Variants in NCALD observed in about 807,000 individuals in gnomAD.
NCALD encodes neurocalcin delta, also known as neurocalcin-delta.
In NCALD, 10 loss-of-function variants were observed where a neutral mutation model predicts 18.6. The observed-to-expected ratio is 0.54, with a 90% CI of 0.33 to 0.91. The LOEUF is 0.91. Among genes scored for constraint, NCALD ranks in the 40% least tolerant of loss-of-function variants. NCALD has a pLI of 0.03. For synonymous variants in NCALD, 88 were observed against 87.4 expected, an observed-to-expected ratio of 1.01 and a Z score of -0.04; for missense variants, 184 against 247.6, an observed-to-expected ratio of 0.74 and a Z score of 1.72.
intron 2 of NCALD, among the ~76,000 whole-genome samples, chr8:101,712,704 G>C (rs2130345197): frequency 6.6e-6 from 1 of 151,996 alleles, no homozygotes; most frequent in African/African-American, 2.4e-5. Context: ...AATGGTAAAG[G>C]GATCAATGCA....
intron 2 of NCALD, among the ~76,000 whole-genome samples, chr8:101,972,185 G>GA (rs1228273196): frequency 6.6e-6 from 1 of 152,054 alleles, no homozygotes; most frequent in Non-Finnish European, 1.5e-5. Flanking sequence ...CAAGAACACG[G>GA]AAAAAAATCA....
At chr8:101,886,004 T>C (rs1377506369) in intron 4 of NCALD, among the ~76,000 whole-genome samples, 1 of 152,204 alleles carries the variant, frequency 6.6e-6, no homozygotes, top group Non-Finnish European at 1.5e-5. Context: ...TGATCATTAC[T>C]AGTTACAATG....
intron 1 of NCALD, among the ~76,000 whole-genome samples, chr8:101,786,718 T>G (rs916953013): frequency 1.3e-5 from 2 of 152,224 alleles, no homozygotes; most frequent in African/African-American, 2.4e-5. Flanking sequence ...TTGGTCTTCC[T>G]GCAGTCACTG....
At chr8:102,085,309 C>A (rs77254218) in intron 1 of NCALD, among the ~76,000 whole-genome samples, 2 of 152,206 alleles carry the variant, frequency 1.3e-5, no homozygotes, top group Non-Finnish European at 1.5e-5. Context: ...CATTGCCAAA[C>A]GTCTTATTTG....
intron 2 of NCALD, among the ~76,000 whole-genome samples, chr8:101,970,108 C>T (rs1820184120): frequency 6.6e-6 from 1 of 152,148 alleles, no homozygotes; most frequent in African/African-American, 2.4e-5. Context: ...CTGTAACTTT[C>T]CAATCACTGA....
At chr8:101,778,408 A>C (rs1407470437) in intron 1 of NCALD, among the ~76,000 whole-genome samples, 1 of 152,174 alleles carries the variant, frequency 6.6e-6, no homozygotes, top group African/African-American at 2.4e-5. Context: ...CATATGAAAG[A>C]AGGATCCAGA....
intron 4 of NCALD, chr8:101,872,177 G>C: frequency 6.2e-7 from 1 of 1,603,450 alleles, no homozygotes; most frequent in Admixed American, 1.7e-5. Flanking sequence ...GCACAGAGGG[G>C]AATTCCTCGT....
At chr8:101,735,676 ACT>A (rs1352840770) in intron 1 of NCALD, among the ~76,000 whole-genome samples, 5 of 151,958 alleles carry the variant, frequency 3.3e-5, no homozygotes, top group Non-Finnish European at 7.4e-5. Context: ...TTATTTGCTA[ACT>A]CTAGTAATCC....
upstream of NCALD, among the ~76,000 whole-genome samples, chr8:101,791,928 C>A (rs779995472): frequency 2.0e-5 from 3 of 152,144 alleles, no homozygotes; most frequent in African/African-American, 4.8e-5. Context: ...ATTTCCTTTA[C>A]GACGACCCTA....
intron 1 of NCALD, among the ~76,000 whole-genome samples, chr8:101,782,318 G>A (rs1812051299): frequency 6.6e-6 from 1 of 151,908 alleles, no homozygotes; most frequent in Non-Finnish European, 1.5e-5. Flanking sequence ...CACCTACGGA[G>A]GGCAAAAGAT....
intron 2 of NCALD, chr8:101,693,537 A>T (rs776332578): frequency 6.6e-6 from 1 of 151,902 alleles, no homozygotes; most frequent in Non-Finnish European, 1.5e-5. Flanking sequence ...CTGATTGGGT[A>T]GTGTGGGGGA....
At chr8:101,775,566 G>A (rs1811758649) in intron 1 of NCALD, among the ~76,000 whole-genome samples, 1 of 152,144 alleles carries the variant, frequency 6.6e-6, no homozygotes. Flanking sequence ...GCCAGTGACT[G>A]GAGGGCCCTG....
At chr8:102,123,016 A>G (rs1465745123) in intron 1 of NCALD, among the ~76,000 whole-genome samples, 3 of 152,120 alleles carry the variant, frequency 2.0e-5, no homozygotes, top group Non-Finnish European at 4.4e-5. Context: ...CCATCACACC[A>G]CACCCCCTCT....
chr8:101,724,070 T>C (rs1281992095), intron 1 of NCALD, among the ~76,000 whole-genome samples: 1 of 152,224 alleles, frequency 6.6e-6, no homozygotes, highest in Non-Finnish European at 1.5e-5. Context: ...ATTACGTATA[T>C]GTGACTTTCA....
chr8:102,054,108 C>G (rs918189277), intron 1 of NCALD, among the ~76,000 whole-genome samples: 5 of 152,212 alleles, frequency 3.3e-5, no homozygotes, highest in African/African-American at 1.2e-4. Context: ...AGAGTCAAAT[C>G]TTTCTTTCAG....
At position 101,689,746 on chromosome 8, in the gene NCALD, G is replaced by C. The variant is rs1018837891; in HGVS notation, c.485-340C>G. Reference sequence around the variant, plus strand: ...TGACCTCCTGGCTCCAGGCGCCCTGGAGAGGCTCACTCAGCATTTGTAAAG... The same window carrying C: ...TGACCTCCTGGCTCCAGGCGCCCTGCAGAGGCTCACTCAGCATTTGTAAAG... On this transcript the variant is annotated intron_variant, in intron 3 of 3. Transcript: ENST00000220931. The surrounding 1 kb of genome is among the most constrained non-coding windows in gnomAD (Gnocchi z 4.4). Among the ~76,000 whole-genome samples, 17 of 152,184 alleles carry C rather than the reference G, an allele frequency of 1.1e-4. No individual in the cohort carries two copies. The highest frequency in any genetic ancestry group is 2.5e-4 in the Non-Finnish European group (17 of 68,038).
chr8:101,797,743 G>C lies in NCALD; in HGVS notation c.-19-78095C>G, dbSNP rs898453100. 4.6e-5 allele frequency among the ~76,000 whole-genome samples: 7 copies of C among 152,038 alleles called. No individual in the cohort carries two copies. In the East Asian group the frequency reaches 1.4e-3, roughly 29 times the overall value. ...AGGCAGGAGAATCGCTTGAACCTGGGAGGCAGAGGTAGCAGTGAGCCGAGA... is the reference window on the plus strand; with the variant it reads ...AGGCAGGAGAATCGCTTGAACCTGGCAGGCAGAGGTAGCAGTGAGCCGAGA... On this transcript the variant is annotated intron_variant, in intron 4 of 6. Transcript: ENST00000311028.
At chr8:101,749,669 G>A (rs1810571433) in intron 1 of NCALD, among the ~76,000 whole-genome samples, 1 of 152,184 alleles carries the variant, frequency 6.6e-6, no homozygotes, top group Admixed American at 6.5e-5. Context: ...AGAGGAAGGA[G>A]GAAACTACTG....
chr8:102,104,687 C>G (rs1318262540), intron 1 of NCALD, among the ~76,000 whole-genome samples: 1 of 152,176 alleles, frequency 6.6e-6, no homozygotes, highest in Non-Finnish European at 1.5e-5. Context: ...GTTGTTTTTG[C>G]ATGGACAGTA....
Sources: gnomAD v4.1 joint callset for allele counts (sites outside exome capture counted in the v4.1 genomes callset) on GRCh38, gnomAD v4.1.1 for gene constraint, Gnocchi (gnomAD v3.1) non-coding constraint, MANE v1.5 for transcripts, NCBI Gene and HGNC (gene_info 2026-07-23, HGNC 2026-07-21) for gene names.